The following MRPL28 variants were observed in gnomAD, a reference collection of about 807,000 sequenced individuals.
MRPL28 encodes mitochondrial ribosomal protein L28, also known as large ribosomal subunit protein bL28m.
In MRPL28, 25 loss-of-function variants were observed where a neutral mutation model predicts 26.2. The observed-to-expected ratio is 0.95, with a 90% confidence interval of 0.69 to 1.33. The LOEUF is 1.33. MRPL28 is among the 40% of genes most tolerant of loss of function. The pLI is 0.00. For synonymous variants in MRPL28, 227 were observed against 140.1 expected (o/e 1.62, Z -4.38); for missense variants, 432 against 327.2 (o/e 1.32, Z -2.47).
At chr16:369,712 TC>T in intron 2 of MRPL28, 5 of 743,066 alleles carry the variant, frequency 6.7e-6, no homozygotes, top group South Asian at 1.5e-5. Context: ...CTCTGGTTGC[TC>T]CCCCGGCCTG....
At chr16:369,879 C>T (rs2054304019) in intron 2 of MRPL28, 52 bp downstream of exon 2, 3 of 1,565,494 alleles carry the variant, frequency 1.9e-6, no homozygotes, top group East Asian at 4.5e-5. Flanking sequence ...CGGCACAGAG[C>T]CGGCACAGCC....
Position 369,901 on chromosome 16 carries a change from G to A in MRPL28, c.288+30C>T, listed in dbSNP as rs1216873862. ...GAGCCGGCACAGCCAAGCCCTGAGA[G>A]GAGCCCCTGAAGGCCGCCTGCGGAC... On this transcript the variant is annotated intron_variant, in intron 2 of 5. Transcript: ENST00000199706. 4.4e-6 allele frequency: 7 copies of A among 1,587,724 alleles called. No individual in the cohort carries two copies. In the East Asian group the frequency reaches 1.3e-4, roughly 30 times the overall value.
In MRPL28 at chr16:367,504, G is replaced by T. The variant is rs558479354; in HGVS notation, c.*171C>A. On this transcript the variant is annotated 3_prime_UTR_variant, in exon 6 of 6. Transcript: ENST00000199706. The stretch of plus-strand genomic sequence containing the variant: ...CTCTGGGCGGCCCAGGCCTCCTGGG[G>T]ATCCCTGCCAAGCTGGCCCCGGGCT... The T allele has an allele frequency of 2.7e-6, 2 of 733,514 alleles. No individual in the cohort carries two copies. The highest frequency in any genetic ancestry group is 4.1e-5 in the Admixed American group (2 of 48,728). 45.4% of individuals were successfully genotyped at this position (733,514 alleles called of 1,614,324 possible).
At chr16:369,479 G>C in intron 2 of MRPL28, 2 of 633,214 alleles carry the variant, frequency 3.2e-6, no homozygotes, top group Non-Finnish European at 5.7e-6. Flanking sequence ...TGCTGCATGT[G>C]TTTCAGAAAC....
chr16:368,842 T>C, intron 3 of MRPL28: 1 of 1,003,600 alleles, frequency 1.0e-6, no homozygotes, highest in Non-Finnish European at 1.4e-6. Flanking sequence ...CTGTGCTCGC[T>C]CAGGCCCCAC....
chr16:368,893 G>A, intron 3 of MRPL28, 175 bp downstream of exon 3: 1 of 1,028,216 alleles, frequency 9.7e-7, no homozygotes, highest in Non-Finnish European at 1.4e-6. Context: ...CTCTCCTGAA[G>A]GCAGGAAACC....
chr16:368,780 CT>C lies in MRPL28; in HGVS notation c.442-146del, dbSNP rs555050906. 133 of 1,307,166 alleles carry C rather than the reference CT, an allele frequency of 1.0e-4. No homozygotes were observed. In the South Asian group the frequency reaches 1.7e-3, roughly 17 times the overall value. The allele number at this position is 1,307,166 out of a possible 1,614,324, so 81.0% of individuals were successfully genotyped here. ...GGTGGGGCCGCCTCAGCACCCCAGCCTGGGGGGTGGGATCAGCACAGAAGCA... is the reference window on the plus strand; with the variant it reads ...GGTGGGGCCGCCTCAGCACCCCAGCCGGGGGGTGGGATCAGCACAGAAGCA... On this transcript the variant is annotated intron_variant, in intron 3 of 5. Transcript: ENST00000199706.
rs376405786 is a variant in MRPL28, at chr16:370,164, C to G, written c.55G>C (p.Gly19Arg). The change falls in exon 2 of 6, where the codon GGC (glycine) becomes CGC (arginine). Residue 19 changes from glycine to arginine, a missense_variant. Coordinates refer to ENST00000199706, the MANE Select transcript of MRPL28 (RefSeq NM_006428.5). ...TGGCCGGGCAGGCGGGAACAGATGC[C>G]CTCCCGCAGCTGCAGCCGCTTCCAG... ...WLWKRLQLRE[G>R]ICSRLPGHYL... 25 of 1,600,242 alleles carry G rather than the reference C, an allele frequency of 1.6e-5. No individual in the cohort carries two copies. The East Asian group carries it at 5.6e-4, about 36-fold the overall frequency.
Position 368,426 on chromosome 16 carries a change from G to A in MRPL28, c.577-12C>T. ...GGGATGGCAAATTCCTAGGCAGGCA[G>A]AGATGGAAAGGGCAGTGAGGCCCAG... On this transcript the variant is annotated splice_polypyrimidine_tract_variant and intron_variant, in intron 4 of 5. Coordinates refer to ENST00000199706, the MANE Select transcript of MRPL28 (RefSeq NM_006428.5). 3 of 1,613,566 alleles carry A rather than the reference G, an allele frequency of 1.9e-6. No homozygotes were observed. The highest frequency in any genetic ancestry group is 2.5e-6 in the Non-Finnish European group (3 of 1,179,856).
chr16:367,225 A>C lies in MRPL28; in HGVS notation c.*450T>G, dbSNP rs1219605702. Among the ~76,000 whole-genome samples, 1 of 152,126 alleles carries C rather than the reference A, an allele frequency of 6.6e-6. No individual in the cohort carries two copies. Among genetic ancestry groups the C allele is most frequent in the Non-Finnish European group, 1.5e-5 (1 of 68,002 alleles). On this transcript the variant is annotated 3_prime_UTR_variant, in exon 6 of 6. Transcript: ENST00000199706. ...GTCTCAAAAAAAGAAAAGAAAAAAAAACACAAAACACAGAATTGAACCTCG... is the reference window on the plus strand; with the variant it reads ...GTCTCAAAAAAAGAAAAGAAAAAAACACACAAAACACAGAATTGAACCTCG...
chr16:369,699 G>A (rs780305127), intron 2 of MRPL28: 12 of 694,604 alleles, frequency 1.7e-5, no homozygotes, highest in Non-Finnish European at 2.6e-5. Flanking sequence ...GACTCCCCAC[G>A]GCCTCTGGTT....
chr16:368,480 G>C (rs764086040), intron 4 of MRPL28, 21 bp downstream of exon 4: 6 of 1,610,630 alleles, frequency 3.7e-6, no homozygotes, highest in Middle Eastern at 1.7e-4. Flanking sequence ...CAGGTGTAGG[G>C]AGCGGGACGG....
Position 367,755 on chromosome 16 carries a change from C to T in MRPL28, c.691G>A (p.Val231Met), listed in dbSNP as rs755714507. 6.2e-7 allele frequency: 1 copy of T among 1,613,860 alleles called. No individual in the cohort carries two copies. The change falls in exon 6 of 6, where the codon GTG (valine) becomes ATG (methionine). Residue 231 changes from valine (V) to methionine (M), a missense_variant. Coordinates refer to ENST00000199706, the MANE Select transcript of MRPL28 (RefSeq NM_006428.5). The stretch of plus-strand genomic sequence containing the variant: ...TGCAGCTGCTGGATCAGCTCCGCCA[C>T]ATAGATCTTGAACAGGGGTACAGGG... ...KDPVPLFKIY[V>M]AELIQQLQQQ...
At position 367,386 on chromosome 16, in the gene MRPL28, C is replaced by G. The variant is rs1288249979; in HGVS notation, c.*289G>C. The G allele has an allele frequency of 7.4e-6, 5 of 678,976 alleles. No individual in the cohort carries two copies. Among genetic ancestry groups the G allele is most frequent in the African/African-American group, 1.8e-5 (1 of 56,082 alleles). The allele number at this position is 678,976 out of a possible 1,614,324, so 42.1% of individuals were successfully genotyped here. On this transcript the variant is annotated 3_prime_UTR_variant, in exon 6 of 6. Transcript: ENST00000199706. The stretch of plus-strand genomic sequence containing the variant: ...AACACCAGTCCTCAAAGCAAAGATA[C>G]ACACACACAGCCTGGCCCAGACTTT...
chr16:368,907 C>A (rs1342087687), intron 3 of MRPL28, 161 bp downstream of exon 3: 11 of 1,086,188 alleles, frequency 1.0e-5, no homozygotes, highest in African/African-American at 1.6e-5. Flanking sequence ...GGAAACCCCA[C>A]TGGTGCTGGC....
Position 370,301 on chromosome 16 carries a change from G to C in MRPL28, c.-7-76C>G, listed in dbSNP as rs1197241638. ...GCACTCACCCCCTACCCCGGCCCCCGACTCTCACCCGCTACCCCGGCCCCC... is the reference window on the plus strand; with the variant it reads ...GCACTCACCCCCTACCCCGGCCCCCCACTCTCACCCGCTACCCCGGCCCCC... On this transcript the variant is annotated intron_variant, in intron 1 of 5. Transcript: ENST00000199706. The C allele has an allele frequency of 3.0e-5, 36 of 1,201,310 alleles. No individual in the cohort carries two copies. In the South Asian group the frequency reaches 5.7e-4, roughly 19 times the overall value. 74.4% of individuals were successfully genotyped at this position (1,201,310 alleles called of 1,614,324 possible). A position where few individuals can be genotyped will look rare whatever the true frequency, so the allele number is the denominator to read the frequency against.
At chr16:368,920 GA>G in intron 3 of MRPL28, 147 bp downstream of exon 3, 1 of 1,142,334 alleles carries the variant, frequency 8.8e-7, no homozygotes, top group Non-Finnish European at 1.2e-6. Context: ...GTGCTGGCCA[GA>G]AAGGGGCATG....
chr16:368,970 TG>T, intron 3 of MRPL28, 97 bp downstream of exon 3: 1 of 1,416,894 alleles, frequency 7.1e-7, no homozygotes, highest in Non-Finnish European at 9.6e-7. Flanking sequence ...CCTGTGCAGA[TG>T]TCAGCGTGCC....
chr16:369,693 C>T (rs1567319563), intron 2 of MRPL28: 3 of 699,874 alleles, frequency 4.3e-6, no homozygotes, highest in East Asian at 2.8e-5. Flanking sequence ...TACCCCGACT[C>T]CCCACGGCCT....
Sources: gnomAD v4.1 joint callset for allele counts (sites outside exome capture counted in the v4.1 genomes callset) on GRCh38, gnomAD v4.1.1 for gene constraint, MANE v1.5 for transcripts, NCBI Gene and HGNC (gene_info 2026-07-23, HGNC 2026-07-21) for gene names.